Variants in SPATA22 observed in about 807,000 individuals in gnomAD.
SPATA22 encodes spermatogenesis associated 22.
SPATA22 carries 29 observed loss-of-function variants against 47.8 expected under a neutral mutation model. The ratio of observed to expected loss-of-function variants is 0.61; its 90% CI spans 0.45 to 0.83. The LOEUF (loss-of-function observed/expected upper bound fraction) is 0.83. Ranked by LOEUF, SPATA22 falls within the 40% of genes least tolerant of loss-of-function variation. The probability of loss-of-function intolerance (pLI) is 0.00; values close to 1 mark genes in which losing one functional copy is unlikely to be tolerated. For synonymous variants in SPATA22, 133 were observed against 140.9 expected (o/e 0.94, Z 0.40); for missense variants, 410 against 421.7 (o/e 0.97, Z 0.24).
In SPATA22 at chr17:3,446,637, T is replaced by C. The variant is rs747842889; in HGVS notation, c.673-36A>G. The C allele has an allele frequency of 4.2e-6, 6 of 1,444,428 alleles. No individual in the cohort carries two copies. The Admixed American group carries it at 1.6e-4, about 38-fold the overall frequency. The allele number at this position is 1,444,428 out of a possible 1,614,324, so 89.5% of individuals were successfully genotyped here. On this transcript the variant is annotated intron_variant, in intron 6 of 8. Transcript: ENST00000572969. Reference sequence around the variant, plus strand: ...AATAAGAAACATAGTATTAGAAAAATATTTGTTTTTTTCATCATACTCGTT... The same window carrying C: ...AATAAGAAACATAGTATTAGAAAAACATTTGTTTTTTTCATCATACTCGTT...
Position 3,506,511 on chromosome 17 carries a change from CTAAA to C in SPATA22, c.-74+6897_-74+6900del, listed in dbSNP as rs573592551. The stretch of plus-strand genomic sequence containing the variant: ...TAAAGCCCCATTAGCTACAGATAGA[CTAAA>C]TGTTTAACAGAAAAACGTCATTTTT... On this transcript the variant is annotated intron_variant, in intron 1 of 8. Transcript: ENST00000541913. Among the ~76,000 whole-genome samples the C allele has an allele frequency of 2.7e-4, 41 of 152,252 alleles. 1 individual carries two copies. The South Asian group carries it at 7.9e-3, about 29-fold the overall frequency.
chr17:3,498,952 C>G, intron 1 of SPATA22: 1 of 1,612,738 alleles, frequency 6.2e-7, no homozygotes, highest in Non-Finnish European at 8.5e-7. Flanking sequence ...GATGGGAAGA[C>G]GATCCCACTG....
At chr17:3,464,031 G>A (rs1319813866) in intron 3 of SPATA22, among the ~76,000 whole-genome samples, 1 of 147,532 alleles carries the variant, frequency 6.8e-6, no homozygotes, top group Non-Finnish European at 1.5e-5. Context: ...CTCATGCCAA[G>A]CCGAAGCTGG....
rs980719642 is a variant in SPATA22, at chr17:3,490,403, T to C, written c.-73-21005A>G. On this transcript the variant is annotated intron_variant, in intron 1 of 8. Transcript: ENST00000541913. This position sits in a 1 kb window ranked among gnomAD's most constrained non-coding sequence, Gnocchi z 4.6. ...TAAAATGGAAAATAGTTGCTTAAAA[T>C]CAAAGAGACATTCTATGTAAACAAT... 3.9e-5 allele frequency among the ~76,000 whole-genome samples: 6 copies of C among 152,160 alleles called. No individual in the cohort carries two copies. Among genetic ancestry groups the C allele is most frequent in the Admixed American group, 6.5e-5 (1 of 15,276 alleles).
chr17:3,506,677 G>A (rs2074043111), intron 1 of SPATA22, among the ~76,000 whole-genome samples: 1 of 152,134 alleles, frequency 6.6e-6, no homozygotes, highest in Admixed American at 6.5e-5. Flanking sequence ...CACGCACAGG[G>A]ACCTGTAATC....
chr17:3,461,737 T>C (rs1159004246), intron 5 of SPATA22, among the ~76,000 whole-genome samples: 1 of 152,216 alleles, frequency 6.6e-6, no homozygotes, highest in African/African-American at 2.4e-5. Flanking sequence ...AAAATGAGAA[T>C]AGTATTAACT....
intron 7 of SPATA22, among the ~76,000 whole-genome samples, chr17:3,444,932 C>A (rs1199877385): frequency 1.3e-5 from 2 of 151,770 alleles, no homozygotes; most frequent in African/African-American, 4.8e-5. Flanking sequence ...AAGCATGGAC[C>A]CCCTTCATTT....
chr17:3,475,419 CA>C (rs1208045575), upstream of SPATA22: 3 of 152,002 alleles, frequency 2.0e-5, no homozygotes, highest in Non-Finnish European at 4.4e-5. Flanking sequence ...GGTATTTAGG[CA>C]AAAAATGAGG....
upstream of SPATA22, chr17:3,476,286 A>C: frequency 6.2e-7 from 1 of 1,614,226 alleles, no homozygotes; most frequent in Non-Finnish European, 8.5e-7. Context: ...TGAGATTCAG[A>C]GAACAGGGCT....
intron 1 of SPATA22, among the ~76,000 whole-genome samples, chr17:3,496,805 G>A (rs896678295): frequency 5.3e-5 from 8 of 152,204 alleles, no homozygotes; most frequent in Admixed American, 1.3e-4. Context: ...GGTGGCTCAC[G>A]CCTGTAATCC....
At chr17:3,457,000 C>T (rs573401382) in intron 5 of SPATA22, among the ~76,000 whole-genome samples, 2 of 151,808 alleles carry the variant, frequency 1.3e-5, no homozygotes, top group Non-Finnish European at 2.9e-5. Flanking sequence ...ATTCAACAAC[C>T]CTTCATGCTA....
In SPATA22 at chr17:3,498,526, T is replaced by C. The variant is rs2073946065; in HGVS notation, c.-74+14886A>G. 5.3e-5 allele frequency among the ~76,000 whole-genome samples: 8 copies of C among 152,166 alleles called. No individual in the cohort carries two copies. The South Asian group carries it at 1.7e-3, about 32-fold the overall frequency. ...CCACACCCAGCTAATTTTTCGTATT[T>C]TTTCTAGAGATAGGATCTCTGTGTT... is the stretch of plus-strand genomic sequence containing the variant. On this transcript the variant is annotated intron_variant, in intron 1 of 8. Transcript: ENST00000541913.
intron 1 of SPATA22, chr17:3,501,169 A>AT (rs1187861940): frequency 6.6e-6 from 1 of 152,256 alleles, no homozygotes; most frequent in Non-Finnish European, 1.5e-5. Context: ...AAGAAAAAAA[A>AT]GAAAGGAAGA....
chr17:3,494,037 ATTT>A (rs5818896), intron 1 of SPATA22, among the ~76,000 whole-genome samples: 22 of 137,232 alleles, frequency 1.6e-4, no homozygotes, highest in South Asian at 2.4e-4. Flanking sequence ...CTTTTTCCAG[ATTT>A]TTTTTTTTTT....
intron 1 of SPATA22, among the ~76,000 whole-genome samples, chr17:3,491,187 A>G (rs1182055463): frequency 6.6e-6 from 1 of 152,224 alleles, no homozygotes; most frequent in African/African-American, 2.4e-5. Flanking sequence ...CTGGTTGAGA[A>G]GGCAGATCCA....
In SPATA22 at chr17:3,484,534, GA is replaced by G. The variant is rs371529494; in HGVS notation, c.-73-15137del. Among the ~76,000 whole-genome samples, 496 of 152,106 alleles carry G rather than the reference GA, an allele frequency of 3.3e-3. 5 individuals carry two copies. Among genetic ancestry groups the G allele is most frequent in the Middle Eastern group, 0.017 (5 of 294 alleles). On this transcript the variant is annotated intron_variant, in intron 1 of 8. Coordinates refer to the SPATA22 transcript ENST00000541913. ...TGTGTATGTGTTTGGGGGAGGAAAG[GA>G]AAAAAATTGAGAGCAGTCAACAGGA...
intron 1 of SPATA22, among the ~76,000 whole-genome samples, chr17:3,481,220 A>T (rs1368602094): frequency 6.6e-6 from 1 of 152,174 alleles, no homozygotes; most frequent in Non-Finnish European, 1.5e-5. Flanking sequence ...GGAAAAAAAG[A>T]TGCATTTGAT....
intron 1 of SPATA22, among the ~76,000 whole-genome samples, chr17:3,493,254 G>T (rs2073853173): frequency 6.6e-6 from 1 of 152,130 alleles, no homozygotes; most frequent in African/African-American, 2.4e-5. Flanking sequence ...CTGTCCAAGT[G>T]TCTAATGTAC....
chr17:3,469,045 G>A (rs550834638), intron 2 of SPATA22: 2 of 364,322 alleles, frequency 5.5e-6, no homozygotes, highest in East Asian at 8.5e-5. Context: ...AATAACTCAA[G>A]CACATCGAAT....
Sources: allele counts gnomAD v4.1 joint callset (sites outside exome capture counted in the v4.1 genomes callset), GRCh38; gene constraint gnomAD v4.1.1; non-coding constraint Gnocchi (gnomAD v3.1); transcripts MANE v1.5; gene names NCBI Gene and HGNC (gene_info 2026-07-23, HGNC 2026-07-21).